CWF19L2: variants seen among roughly 807,000 people sequenced by gnomAD.
CWF19L2 encodes the protein CWF19-like protein 2.
In CWF19L2, 98 loss-of-function variants were observed where a neutral mutation model predicts 111.7. The ratio of observed to expected loss-of-function variants is 0.88; its 90% CI spans 0.75 to 1.04. CWF19L2 has a LOEUF of 1.04. Among genes scored for constraint, CWF19L2 ranks in the 50% least tolerant of loss-of-function variants. The probability of loss-of-function intolerance (pLI) is 0.00; values close to 1 mark genes in which losing one functional copy is unlikely to be tolerated. For missense variants in CWF19L2, 1,101 were observed against 1,051.4 expected (o/e 1.05, Z -0.65); for synonymous variants, 351 against 342.9 (o/e 1.02, Z -0.26).
chr11:107,445,537 G>C (rs1174591996), intron 3 of CWF19L2, among the ~76,000 whole-genome samples: 1 of 151,970 alleles, frequency 6.6e-6, no homozygotes, highest in East Asian at 1.9e-4. Context: ...CCGGGAGGCG[G>C]GGGTTGTGGT....
At chr11:107,455,593 C>A in intron 2 of CWF19L2, 73 bp downstream of exon 2, 1 of 782,124 alleles carries the variant, frequency 1.3e-6, no homozygotes, top group South Asian at 2.0e-5. Context: ...TAAAATTATT[C>A]ATCCAATATT....
chr11:107,358,578 A>C (rs1197575733), intron 12 of CWF19L2, among the ~76,000 whole-genome samples: 1 of 152,236 alleles, frequency 6.6e-6, no homozygotes, highest in African/African-American at 2.4e-5. Context: ...CATTATGCTA[A>C]GTGAAAAAAG....
At chr11:107,382,527 T>C (rs1860702053) in intron 12 of CWF19L2, among the ~76,000 whole-genome samples, 1 of 152,222 alleles carries the variant, frequency 6.6e-6, no homozygotes, top group African/African-American at 2.4e-5. Context: ...GGCTCTATGA[T>C]TTCGAAGGAA....
In CWF19L2 at chr11:107,424,096, T is replaced by C. The variant is rs150200864; in HGVS notation, c.1433+4703A>G. Among the ~76,000 whole-genome samples, 482 of 151,834 alleles carry C rather than the reference T, an allele frequency of 3.2e-3. 4 individuals carry two copies. Among genetic ancestry groups the C allele is most frequent in the Non-Finnish European group, 5.1e-3 (347 of 67,788 alleles). ...GATCACCAATATTCTGGGAATCATA[T>C]GTCAAAAAAATACTGGCATTAAGTC... On this transcript the variant is annotated intron_variant, in intron 8 of 17. Transcript: ENST00000282251.
intron 10 of CWF19L2, chr11:107,403,427 G>T: frequency 1.3e-6 from 1 of 760,078 alleles, no homozygotes; most frequent in Non-Finnish European, 2.4e-6. Context: ...TTCTGGTAGG[G>T]GATCTGTCGG....
intron 12 of CWF19L2, among the ~76,000 whole-genome samples, chr11:107,361,089 C>G (rs921008694): frequency 1.3e-5 from 2 of 152,106 alleles, no homozygotes; most frequent in Admixed American, 6.5e-5. Flanking sequence ...TTCAAGTTCT[C>G]CATGTAAGTC....
At chr11:107,414,629 AAAACAG>A (rs1220744139) in intron 10 of CWF19L2, among the ~76,000 whole-genome samples, 4 of 152,010 alleles carry the variant, frequency 2.6e-5, no homozygotes, top group Non-Finnish European at 5.9e-5. Context: ...CAATATATCC[AAAACAG>A]AACCTCTGAT....
rs761670875 is a variant in CWF19L2 at position 107,429,395 on chromosome 11, T to C, written c.837A>G (p.Lys279=). ...TCCACCGTTCCCGTCTATAATCTTC[T>C]TTCGTGGATGCAGCTTTTTCAGCAT... ...LEDAEKAAST[K]EDYRRERWRK... The change falls in exon 8 of 18, where the codon AAA becomes AAG. Residue 279 remains lysine, a synonymous_variant. Coordinates refer to ENST00000282251, the MANE Select transcript of CWF19L2 (RefSeq NM_152434.3). The C allele has an allele frequency of 9.5e-6, 15 of 1,580,278 alleles. No homozygotes were observed. The African/African-American group carries it at 1.9e-4, about 20-fold the overall frequency.
chr11:107,327,105 C>T (rs1859773261), intron 17 of CWF19L2, 52 bp from the exon 18 acceptor site: 1 of 1,455,114 alleles, frequency 6.9e-7, no homozygotes. Context: ...ATAATGAAAA[C>T]AGAAATGAAA....
chr11:107,396,575 A>G lies in CWF19L2; in HGVS notation c.1618-3680T>C, dbSNP rs186508356. On this transcript the variant is annotated intron_variant, in intron 10 of 17. Transcript: ENST00000282251. Reference sequence around the variant, plus strand: ...ACCAGAATAAACCTTCCCTGTTGGTATCTATAGTATTTGTGAGATAATAAA... The same window carrying G: ...ACCAGAATAAACCTTCCCTGTTGGTGTCTATAGTATTTGTGAGATAATAAA... 2.3e-4 allele frequency among the ~76,000 whole-genome samples: 35 copies of G among 152,352 alleles called. No homozygotes were observed. In the East Asian group the frequency reaches 5.2e-3, roughly 23 times the overall value.
At chr11:107,397,491 T>C (rs1591182557) in intron 10 of CWF19L2, among the ~76,000 whole-genome samples, 1 of 151,828 alleles carries the variant, frequency 6.6e-6, no homozygotes. Context: ...TCTCATCCCA[T>C]CCCCCACAGC....
At chr11:107,452,821 T>G (rs1049051646) in intron 3 of CWF19L2, among the ~76,000 whole-genome samples, 4 of 152,062 alleles carry the variant, frequency 2.6e-5, no homozygotes, top group African/African-American at 9.7e-5. Context: ...TAAGACTCCA[T>G]GTCTACAAAA....
intron 9 of CWF19L2, among the ~76,000 whole-genome samples, 161 bp downstream of exon 9, chr11:107,418,033 T>TC: frequency 6.6e-6 from 1 of 152,234 alleles, no homozygotes; most frequent in Non-Finnish European, 1.5e-5. Flanking sequence ...GTGCTGGGAT[T>TC]ACAGGCATGG....
At chr11:107,431,318 C>T (rs1432671250) in intron 7 of CWF19L2, among the ~76,000 whole-genome samples, 2 of 151,694 alleles carry the variant, frequency 1.3e-5, no homozygotes, top group African/African-American at 4.8e-5. Flanking sequence ...CCAGCACCAA[C>T]ACCAAGTCAG....
intron 4 of CWF19L2, 48 bp downstream of exon 4, chr11:107,442,891 A>T: frequency 8.5e-7 from 1 of 1,178,818 alleles, no homozygotes; most frequent in Non-Finnish European, 1.2e-6. Flanking sequence ...GGAGGAAGGA[A>T]GGAAGGAAGG....
intron 10 of CWF19L2, among the ~76,000 whole-genome samples, chr11:107,403,036 T>C (rs1039402884): frequency 1.3e-5 from 2 of 151,452 alleles, no homozygotes; most frequent in Non-Finnish European, 2.9e-5. Context: ...TTCACTGATA[T>C]GTAGGAGCTA....
intron 12 of CWF19L2, among the ~76,000 whole-genome samples, chr11:107,361,966 C>A (rs754395883): frequency 2.6e-5 from 4 of 152,142 alleles, no homozygotes; most frequent in Non-Finnish European, 5.9e-5. Context: ...AGTGGGTGCA[C>A]GCACCGTGCG....
In CWF19L2 at chr11:107,404,021, T is replaced by G. The variant is rs974183168; in HGVS notation, c.1618-11126A>C. ...CTCACTAAGGATTTCACTGAAGAGG[T>G]GATGGTTTCACTAAAAACCCATCAT... On this transcript the variant is annotated intron_variant, in intron 10 of 17. Coordinates refer to ENST00000282251, the MANE Select transcript of CWF19L2 (RefSeq NM_152434.3). The G allele has an allele frequency of 4.4e-5, 34 of 780,116 alleles. No homozygotes were observed. The African/African-American group carries it at 4.9e-4, about 11-fold the overall frequency. 48.3% of individuals were successfully genotyped at this position (780,116 alleles called of 1,614,324 possible).
At chr11:107,388,257 T>A (rs991281862) in intron 12 of CWF19L2, among the ~76,000 whole-genome samples, 3 of 152,264 alleles carry the variant, frequency 2.0e-5, no homozygotes, top group Non-Finnish European at 4.4e-5. Flanking sequence ...CACTTTCTCA[T>A]CCACTAGAAA....
Sources: gnomAD v4.1 joint callset for allele counts (sites outside exome capture counted in the v4.1 genomes callset) on GRCh38, gnomAD v4.1.1 for gene constraint, MANE v1.5 for transcripts, NCBI Gene and HGNC (gene_info 2026-07-23, HGNC 2026-07-21) for gene names.